The following CRK variants were observed in gnomAD, a reference collection of about 807,000 sequenced individuals.
The protein encoded by CRK is adapter molecule crk.
CRK carries 4 observed loss-of-function variants against 29.8 expected under a neutral mutation model. The ratio of observed to expected loss-of-function variants is 0.13; its 90% CI spans 0.07 to 0.31. CRK has a LOEUF of 0.31. CRK is among the 10% of genes least tolerant of loss of function. The pLI, the probability that CRK is intolerant of heterozygous loss-of-function variation, is 1.00. For synonymous variants in CRK, 153 were observed against 164.9 expected (o/e 0.93, Z 0.55); for missense variants, 274 against 396.5 (o/e 0.69, Z 2.62).
chr17:1,446,883 A>G (rs928905896), intron 1 of CRK, among the ~76,000 whole-genome samples: 5 of 151,986 alleles, frequency 3.3e-5, no homozygotes, highest in Non-Finnish European at 7.4e-5. Flanking sequence ...GTGAGCCACC[A>G]CGCCCGGCCG....
At chr17:1,441,138 A>G (rs568652042) in intron 1 of CRK, among the ~76,000 whole-genome samples, 1 of 152,078 alleles carries the variant, frequency 6.6e-6, no homozygotes, top group Non-Finnish European at 1.5e-5. Context: ...ATGTTGCCCA[A>G]GCCAGTCTCG....
intron 1 of CRK, among the ~76,000 whole-genome samples, chr17:1,443,866 ATT>A (rs199670686): frequency 2.0e-5 from 3 of 147,494 alleles, no homozygotes; most frequent in African/African-American, 7.5e-5. Flanking sequence ...CGCCCGGCTA[ATT>A]TTTTTGTATT....
At chr17:1,443,637 G>T (rs151165437) in intron 1 of CRK, among the ~76,000 whole-genome samples, 4,923 of 151,378 alleles carry the variant, frequency 0.033, 235 homozygotes, top group African/African-American at 0.11. Flanking sequence ...CTGACCTCGT[G>T]ATCCACCCAC....
intron 1 of CRK, among the ~76,000 whole-genome samples, chr17:1,448,560 T>C (rs1291557370): frequency 2.1e-5 from 3 of 142,178 alleles, no homozygotes; most frequent in South Asian, 2.2e-4. Flanking sequence ...GAGGCAGAGC[T>C]TGCAGTGAGC....
At chr17:1,445,919 TAA>T (rs1169154323) in intron 1 of CRK, among the ~76,000 whole-genome samples, 2 of 152,166 alleles carry the variant, frequency 1.3e-5, no homozygotes, top group African/African-American at 2.4e-5. Context: ...AGTGCTCAGT[TAA>T]GTGTTGCTAA....
At chr17:1,431,522 C>T (rs2073844904) in intron 2 of CRK, among the ~76,000 whole-genome samples, 1 of 151,698 alleles carries the variant, frequency 6.6e-6, no homozygotes, top group Non-Finnish European at 1.5e-5. Context: ...GAGATCGAGA[C>T]CATCCTGGCT....
At chr17:1,439,443 G>A (rs184061200) in intron 1 of CRK, among the ~76,000 whole-genome samples, 18 of 152,104 alleles carry the variant, frequency 1.2e-4, no homozygotes, top group African/African-American at 3.4e-4. Flanking sequence ...ACTCCCACTC[G>A]GCTAAGCACC....
At chr17:1,429,593 C>T (rs1187434131) in intron 2 of CRK, among the ~76,000 whole-genome samples, 1 of 151,000 alleles carries the variant, frequency 6.6e-6, no homozygotes, top group Non-Finnish European at 1.5e-5. Context: ...AGTTTGAGGC[C>T]TTCCTCAGCA....
intron 1 of CRK, among the ~76,000 whole-genome samples, chr17:1,448,626 A>AAG (rs2073993578): frequency 9.6e-6 from 1 of 103,776 alleles, no homozygotes; most frequent in South Asian, 3.3e-4. Flanking sequence ...ATCTCAAAAA[A>AAG]AAAAAAAAAA....
intron 1 of CRK, among the ~76,000 whole-genome samples, chr17:1,454,623 G>T (rs927087792): frequency 5.3e-5 from 8 of 152,152 alleles, no homozygotes; most frequent in Non-Finnish European, 7.3e-5. Flanking sequence ...TTCTACAAGG[G>T]CAAGTCTACA....
rs1243693774 is a variant in CRK at position 1,420,937 on chromosome 17, C to T, written c.*2576G>A. ...TGGATAATTAAAAATTATCTATTTG[C>T]ATTATTAACAATAAACAATTCCAAC... On this transcript the variant is annotated 3_prime_UTR_variant, in exon 3 of 3. Transcript: ENST00000300574. 6.6e-6 allele frequency: 1 copy of T among 152,166 alleles called. No homozygotes were observed. The highest frequency in any genetic ancestry group is 1.9e-4 in the East Asian group (1 of 5,178). The allele number at this position is 152,166 out of a possible 1,614,324, so 9.4% of individuals were successfully genotyped here. A position where few individuals can be genotyped will look rare whatever the true frequency, so the allele number is the denominator to read the frequency against.
chr17:1,455,069 GA>G (rs2074045619), intron 1 of CRK, among the ~76,000 whole-genome samples: 1 of 152,198 alleles, frequency 6.6e-6, no homozygotes. Flanking sequence ...CACTTACAGG[GA>G]AGGGTCTGTT....
At chr17:1,441,124 C>T (rs915993261) in intron 1 of CRK, among the ~76,000 whole-genome samples, 2 of 151,924 alleles carry the variant, frequency 1.3e-5, no homozygotes, top group African/African-American at 4.8e-5. Flanking sequence ...AATGGGATTT[C>T]GCCATGTTGC....
intron 1 of CRK, among the ~76,000 whole-genome samples, chr17:1,453,369 T>A (rs1209072359): frequency 6.6e-6 from 1 of 152,204 alleles, no homozygotes; most frequent in Admixed American, 6.5e-5. Context: ...ATTTTCAACT[T>A]TGGCAACCAA....
chr17:1,433,283 T>G (rs2073860619), intron 2 of CRK, among the ~76,000 whole-genome samples: 1 of 152,150 alleles, frequency 6.6e-6, no homozygotes, highest in Non-Finnish European at 1.5e-5. Context: ...AGGTCCCTAC[T>G]ACCAACCAGC....
intron 2 of CRK, among the ~76,000 whole-genome samples, chr17:1,430,201 C>T (rs1183550479): frequency 1.3e-5 from 2 of 151,646 alleles, no homozygotes; most frequent in Non-Finnish European, 2.9e-5. Context: ...TGTGCCCCCA[C>T]GCCTGGCTAA....
chr17:1,434,008 G>C (rs555451478), intron 2 of CRK, among the ~76,000 whole-genome samples: 1 of 152,066 alleles, frequency 6.6e-6, no homozygotes, highest in South Asian at 2.1e-4. Flanking sequence ...CCAAACATCA[G>C]CCTGTTGTTT....
chr17:1,432,638 G>A (rs764779037), intron 2 of CRK, among the ~76,000 whole-genome samples: 13 of 151,844 alleles, frequency 8.6e-5, no homozygotes, highest in Non-Finnish European at 1.2e-4. Flanking sequence ...TTAGCCAGGC[G>A]TGGTGGCGGG....
chr17:1,423,754 G>T, intron 2 of CRK, 104 bp from the exon 3 acceptor site: 1 of 1,425,590 alleles, frequency 7.0e-7, no homozygotes, highest in Non-Finnish European at 9.5e-7. Flanking sequence ...ACTGCTCTAG[G>T]GATATTACAG....
Sources: gnomAD v4.1 joint callset for allele counts (sites outside exome capture counted in the v4.1 genomes callset) on GRCh38, gnomAD v4.1.1 for gene constraint, MANE v1.5 for transcripts, NCBI Gene and HGNC (gene_info 2026-07-23, HGNC 2026-07-21) for gene names.